ATAD2: variants seen among roughly 807,000 people sequenced by gnomAD.
ATAD2 encodes ATPase family AAA domain-containing protein 2.
A neutral mutation model predicts 168.9 loss-of-function variants in ATAD2; 62 were observed. The observed-to-expected ratio is 0.37, with a 90% CI of 0.30 to 0.45. The LOEUF (loss-of-function observed/expected upper bound fraction) is 0.45. Among genes scored for constraint, ATAD2 ranks in the 20% least tolerant of loss-of-function variants. The pLI is 1.00. For missense variants in ATAD2, 1,419 were observed against 1,667.8 expected (o/e 0.85, Z 2.60); for synonymous variants, 613 against 571.6 (o/e 1.07, Z -1.03).
intron 21 of ATAD2, 89 bp downstream of exon 21, chr8:123,337,536 T>C: frequency 1.3e-5 from 16 of 1,248,564 alleles, no homozygotes; most frequent in Non-Finnish European, 1.7e-5. Context: ...GTTAAGAGTG[T>C]AGGCAGAACC....
chr8:123,354,864 AATAT>A (rs1251736641), intron 13 of ATAD2, among the ~76,000 whole-genome samples: 5,139 of 64,396 alleles, frequency 0.08, 943 homozygotes, highest in Middle Eastern at 0.14. Context: ...AAAAAAAAAA[AATAT>A]ATATATATAT....
intron 2 of ATAD2, among the ~76,000 whole-genome samples, chr8:123,378,948 T>C (rs576112421): frequency 2.2e-4 from 33 of 151,786 alleles, no homozygotes; most frequent in Non-Finnish European, 4.6e-4. Flanking sequence ...TGCGACACCA[T>C]GCCCAGATAA....
chr8:123,361,577 C>G lies in ATAD2; in HGVS notation c.1119G>C (p.Glu373Asp), dbSNP rs769381731. 6.2e-7 allele frequency: 1 copy of G among 1,613,536 alleles called. No individual in the cohort carries two copies. Among genetic ancestry groups the G allele is most frequent in the Non-Finnish European group, 8.5e-7 (1 of 1,179,624 alleles). The change falls in exon 9 of 28, where the codon GAG becomes GAC. Residue 373 changes from glutamate (E) to aspartate (D), a missense_variant. Coordinates refer to ENST00000287394, the MANE Select transcript of ATAD2 (RefSeq NM_014109.4). ...SSSSEDEQHF[E>D]RRRKRSRNRA... ...TATTACGACTCCTTTTCCTCCGCCT[C>G]TCAAAGTGCTGTTCATCTTCAGAGG... is the stretch of plus-strand genomic sequence containing the variant.
At chr8:123,410,800 A>G (rs545590335) in intron 1 of ATAD2, among the ~76,000 whole-genome samples, 18 of 152,268 alleles carry the variant, frequency 1.2e-4, no homozygotes, top group Admixed American at 9.2e-4. Context: ...CAGACCCGCC[A>G]CTGACTTCTA....
At chr8:123,328,131 T>G (rs752845367) in intron 25 of ATAD2, 59 bp downstream of exon 25, 484 of 1,290,498 alleles carry the variant, frequency 3.8e-4, no homozygotes, top group Non-Finnish European at 4.6e-4. Flanking sequence ...AATTAGGTGT[T>G]TAGAAACTTT....
chr8:123,389,960 T>TTTTATATATATA (rs1392406832), intron 1 of ATAD2, among the ~76,000 whole-genome samples: 28 of 94,040 alleles, frequency 3.0e-4, no homozygotes, highest in Non-Finnish European at 4.7e-4. Context: ...TACTATTATT[T>TTTTATATATATA]TATATATATA....
At chr8:123,393,848 C>T (rs375427779) in intron 1 of ATAD2, among the ~76,000 whole-genome samples, 8 of 151,726 alleles carry the variant, frequency 5.3e-5, no homozygotes, top group East Asian at 1.9e-4. Flanking sequence ...ACCCGGGAGG[C>T]GGAAACTGCA....
chr8:123,349,287 C>G lies in ATAD2; in HGVS notation c.1804G>C (p.Glu602Gln). The change falls in exon 14 of 28, where the codon GAG (glutamate) becomes CAG (glutamine). Residue 602 changes from glutamate to glutamine, a missense_variant and splice_region_variant. Coordinates refer to ENST00000287394, the MANE Select transcript of ATAD2 (RefSeq NM_014109.4). ...TTTGAGTGACATTAAATTCTTACCT[C>G]TTTATCAGGCAGGCTAAAGAGGAAT... ...REFLFSLPDK[E>Q]ARKEILKIHT... The G allele has an allele frequency of 4.3e-6, 7 of 1,612,120 alleles. No individual in the cohort carries two copies. In the East Asian group the frequency reaches 8.9e-5, roughly 21 times the overall value.
At chr8:123,355,333 T>C (rs1038558321) in intron 13 of ATAD2, among the ~76,000 whole-genome samples, 1 of 152,220 alleles carries the variant, frequency 6.6e-6, no homozygotes, top group Non-Finnish European at 1.5e-5. Flanking sequence ...TATGAAAGTA[T>C]GCAAATATTT....
chr8:123,405,697 C>T (rs1417253826), intron 1 of ATAD2, among the ~76,000 whole-genome samples: 1 of 152,212 alleles, frequency 6.6e-6, no homozygotes, highest in Non-Finnish European at 1.5e-5. Flanking sequence ...TTATCTAGGT[C>T]TTAGTGATCT....
chr8:123,381,200 T>C (rs1278147677), intron 1 of ATAD2, among the ~76,000 whole-genome samples: 1 of 152,166 alleles, frequency 6.6e-6, no homozygotes, highest in African/African-American at 2.4e-5. Flanking sequence ...ACAGCTGAAT[T>C]AAAAAACTGT....
At chr8:123,338,035 C>T (rs1022375705) in intron 20 of ATAD2, among the ~76,000 whole-genome samples, 3 of 149,214 alleles carry the variant, frequency 2.0e-5, no homozygotes, top group African/African-American at 7.8e-5. Flanking sequence ...CTAATTCCTA[C>T]AAGTCATTAC....
In ATAD2 at chr8:123,339,392, C is replaced by T. The variant is rs781184939; in HGVS notation, c.2773G>A (p.Asp925Asn). 1 of 1,602,384 alleles carries T rather than the reference C, an allele frequency of 6.2e-7. No individual in the cohort carries two copies. The highest frequency in any genetic ancestry group is 8.5e-7 in the Non-Finnish European group (1 of 1,173,926). The change falls in exon 20 of 28, where the codon GAT becomes AAT. Residue 925 changes from aspartate to asparagine, a missense_variant. Asp to Asn is a conservative substitution (Grantham distance 23, BLOSUM62 1). This residue lies in a region of ATAD2 where 545 missense variants were observed against 724.9 expected (regional missense o/e 0.75). Transcript: ENST00000287394. ...AAAAATTTTGTCCGTTCTTCTTTAT[C>T]CGGTAACTGGACATTAAAAATCTCT... ...YGEIFNVQLP[D>N]KEERTKFFED...
At chr8:123,367,186 G>C (rs1829005838) in intron 8 of ATAD2, among the ~76,000 whole-genome samples, 1 of 152,086 alleles carries the variant, frequency 6.6e-6, no homozygotes, top group African/African-American at 2.4e-5. Context: ...GGCCAAGGTG[G>C]GTGGATCACC....
At chr8:123,348,817 T>C in intron 14 of ATAD2, among the ~76,000 whole-genome samples, 1 of 152,340 alleles carries the variant, frequency 6.6e-6, no homozygotes, top group South Asian at 2.1e-4. Context: ...ATATTCGTCA[T>C]AAACACAAAT....
At chr8:123,382,152 G>A (rs539945841) in intron 1 of ATAD2, among the ~76,000 whole-genome samples, 6 of 152,226 alleles carry the variant, frequency 3.9e-5, no homozygotes, top group African/African-American at 1.2e-4. Flanking sequence ...TTAGAAAAAC[G>A]GGCAGTGATT....
intron 1 of ATAD2, among the ~76,000 whole-genome samples, chr8:123,381,947 G>A (rs1365826006): frequency 2.0e-5 from 3 of 152,144 alleles, no homozygotes; most frequent in African/African-American, 7.2e-5. Flanking sequence ...TTGGGAGGCT[G>A]AGGCAAGAGA....
At chr8:123,325,802 T>C in intron 26 of ATAD2, 91 bp downstream of exon 26, 1 of 1,482,938 alleles carries the variant, frequency 6.7e-7, no homozygotes, top group Non-Finnish European at 9.2e-7. Context: ...TTCATGTAAA[T>C]CCCATGTAGC....
chr8:123,346,616 A>G lies in ATAD2; in HGVS notation c.2345+2T>C. 6.5e-7 allele frequency: 1 copy of G among 1,548,252 alleles called. No homozygotes were observed. Among genetic ancestry groups the G allele is most frequent in the Admixed American group, 2.1e-5 (1 of 48,282 alleles). Reference sequence around the variant, plus strand: ...AAACATTGATTTGCAAGAAAAATATACCTATTCAAATGAAGAAAATTAAAA... The same window carrying G: ...AAACATTGATTTGCAAGAAAAATATGCCTATTCAAATGAAGAAAATTAAAA... On this transcript the variant is annotated splice_donor_variant, in intron 17 of 27. Coordinates refer to ENST00000287394, the MANE Select transcript of ATAD2 (RefSeq NM_014109.4). LOFTEE classifies it high-confidence loss of function.
Sources: allele counts gnomAD v4.1 joint callset (sites outside exome capture counted in the v4.1 genomes callset), GRCh38; gene constraint gnomAD v4.1.1; regional missense constraint gnomAD v4.1.1; transcripts MANE v1.5; gene names NCBI Gene and HGNC (gene_info 2026-07-23, HGNC 2026-07-21).